The following ANKS1B variants were observed in gnomAD, a reference collection of about 807,000 sequenced individuals.
ANKS1B encodes the protein ankyrin repeat and sterile alpha motif domain-containing protein 1B.
Under a neutral mutation model 148.3 loss-of-function variants are expected in ANKS1B, and 36 were observed. That is an observed-to-expected ratio of 0.24 (90% CI 0.19 to 0.32). The LOEUF (loss-of-function observed/expected upper bound fraction) is 0.32. ANKS1B is among the 10% of genes least tolerant of loss of function. The pLI is 1.00. For missense variants in ANKS1B, 1,157 were observed against 1,542.6 expected (o/e 0.75, Z 4.19); for synonymous variants, 542 against 560.8 (o/e 0.97, Z 0.47).
intron 14 of ANKS1B, among the ~76,000 whole-genome samples, chr12:99,192,351 A>G (rs754247873): frequency 9.9e-5 from 15 of 152,160 alleles, no homozygotes; most frequent in Non-Finnish European, 1.8e-4. Context: ...CAATAAATCA[A>G]TGAGACATAT....
chr12:99,498,567 C>T (rs950024321), intron 10 of ANKS1B, among the ~76,000 whole-genome samples: 2 of 152,150 alleles, frequency 1.3e-5, no homozygotes, highest in Admixed American at 6.6e-5. Flanking sequence ...GCACCCTATG[C>T]TTATCTTGTT....
intron 10 of ANKS1B, among the ~76,000 whole-genome samples, chr12:99,466,953 T>C (rs182198165): frequency 7.9e-4 from 120 of 152,298 alleles, no homozygotes; most frequent in African/African-American, 2.8e-3. Context: ...GCCAGAATCA[T>C]CCTGATACCA....
At chr12:99,796,024 G>A (rs1210730616) in intron 4 of ANKS1B, among the ~76,000 whole-genome samples, 1 of 151,950 alleles carries the variant, frequency 6.6e-6, no homozygotes, top group African/African-American at 2.4e-5. Flanking sequence ...TTCACTTAGA[G>A]GAAGCACTTT....
intron 17 of ANKS1B, among the ~76,000 whole-genome samples, chr12:98,912,512 C>G (rs965224424): frequency 2.6e-5 from 4 of 152,202 alleles, no homozygotes; most frequent in African/African-American, 7.2e-5. Context: ...ATGCTTCTCT[C>G]TGCTAGACTC....
chr12:99,648,722 C>G, intron 9 of ANKS1B: 1 of 1,613,934 alleles, frequency 6.2e-7, no homozygotes, highest in Non-Finnish European at 8.5e-7. Context: ...TACAGTGATA[C>G]CAGGGCTATC....
chr12:98,901,060 T>C (rs553009232), intron 17 of ANKS1B, among the ~76,000 whole-genome samples: 9 of 152,332 alleles, frequency 5.9e-5, no homozygotes, highest in African/African-American at 1.7e-4. Context: ...TGCTTATAAA[T>C]CTCCCTATAA....
chr12:99,232,345 C>T (rs1328995301), intron 14 of ANKS1B, among the ~76,000 whole-genome samples: 3 of 152,178 alleles, frequency 2.0e-5, no homozygotes, highest in Admixed American at 6.5e-5. Flanking sequence ...TATTTTTATA[C>T]GAATGCACTT....
intron 2 of ANKS1B, 66 bp from the exon 3 acceptor site, chr12:99,812,377 T>G: frequency 6.8e-7 from 1 of 1,474,506 alleles, no homozygotes; most frequent in Non-Finnish European, 9.2e-7. Flanking sequence ...AATAGGTAAT[T>G]TTAAAAGAAT....
At chr12:99,240,253 G>T (rs957799478) in intron 14 of ANKS1B, among the ~76,000 whole-genome samples, 1 of 151,982 alleles carries the variant, frequency 6.6e-6, no homozygotes, top group Non-Finnish European at 1.5e-5. Flanking sequence ...AAAAAAGCAC[G>T]GATTGCAATC....
At chr12:99,695,245 G>A (rs561919706) in intron 8 of ANKS1B, among the ~76,000 whole-genome samples, 2 of 152,192 alleles carry the variant, frequency 1.3e-5, no homozygotes, top group African/African-American at 4.8e-5. Flanking sequence ...TATCTGATGT[G>A]GTCAAAGTGT....
chr12:98,750,102 A>T (rs774738559), intron 26 of ANKS1B, among the ~76,000 whole-genome samples: 1 of 152,090 alleles, frequency 6.6e-6, no homozygotes, highest in Non-Finnish European at 1.5e-5. Flanking sequence ...TCAAGGTGGA[A>T]ATGTGAAAGA....
chr12:99,836,197 C>T (rs560420569), intron 1 of ANKS1B, among the ~76,000 whole-genome samples: 41 of 152,126 alleles, frequency 2.7e-4, no homozygotes, highest in Middle Eastern at 6.8e-3. Flanking sequence ...AAAGTTTCAT[C>T]GAAACACATA....
At chr12:99,252,730 A>G (rs1170348726) in intron 12 of ANKS1B, among the ~76,000 whole-genome samples, 2 of 152,142 alleles carry the variant, frequency 1.3e-5, no homozygotes, top group Non-Finnish European at 2.9e-5. Flanking sequence ...AAAATTTGAG[A>G]ACAACTAGCA....
At chr12:99,013,206 G>C (rs893735540) in intron 17 of ANKS1B, among the ~76,000 whole-genome samples, 3 of 152,058 alleles carry the variant, frequency 2.0e-5, no homozygotes, top group African/African-American at 7.2e-5. Context: ...AGAGGATTTT[G>C]GCAACAAAAT....
intron 4 of ANKS1B, among the ~76,000 whole-genome samples, chr12:99,785,136 A>T (rs145071152): frequency 2.7e-3 from 418 of 152,184 alleles, no homozygotes; most frequent in African/African-American, 9.5e-3. Flanking sequence ...TTCTGCCTTC[A>T]GGAAGCTCAA....
chr12:99,020,075 T>C (rs2099944876), intron 17 of ANKS1B, among the ~76,000 whole-genome samples: 1 of 152,140 alleles, frequency 6.6e-6, no homozygotes, highest in Non-Finnish European at 1.5e-5. Flanking sequence ...ATCTTTCTTT[T>C]TTTTTTTGGT....
intron 2 of ANKS1B, among the ~76,000 whole-genome samples, chr12:99,818,628 A>G (rs1349953936): frequency 6.6e-6 from 1 of 151,896 alleles, no homozygotes; most frequent in Non-Finnish European, 1.5e-5. Context: ...TGTGGTTGAC[A>G]AGAAAATAGA....
chr12:99,337,959 T>C (rs2089248507), intron 12 of ANKS1B, among the ~76,000 whole-genome samples: 1 of 152,272 alleles, frequency 6.6e-6, no homozygotes, highest in South Asian at 2.1e-4. Flanking sequence ...TCCACTGAAA[T>C]TGCACTGGGT....
chr12:99,637,827 A>C (rs1222757553), intron 9 of ANKS1B, among the ~76,000 whole-genome samples: 7 of 133,600 alleles, frequency 5.2e-5, no homozygotes, highest in Non-Finnish European at 8.3e-5. Flanking sequence ...ATATATATAC[A>C]CACACATACA....
Sources: allele counts gnomAD v4.1 joint callset (sites outside exome capture counted in the v4.1 genomes callset), GRCh38; gene constraint gnomAD v4.1.1; transcripts MANE v1.5; gene names NCBI Gene and HGNC (gene_info 2026-07-23, HGNC 2026-07-21).